TMEM131: variants seen among roughly 807,000 people sequenced by gnomAD.
The protein encoded by TMEM131 is transmembrane protein 131, also known as 2610524E03Rik.
In TMEM131, 66 loss-of-function variants were observed where a neutral mutation model predicts 211.6. That is an observed-to-expected ratio of 0.31 (90% CI 0.26 to 0.38). TMEM131 has a LOEUF of 0.38. Among genes scored for constraint, TMEM131 ranks in the 10% least tolerant of loss-of-function variants. The pLI is 1.00. For synonymous variants in TMEM131, 844 were observed against 841.3 expected (o/e 1.00, Z -0.06); for missense variants, 2,036 against 2,299.3 (o/e 0.89, Z 2.34).
chr2:97,882,998 C>T (rs763659801), intron 4 of TMEM131, among the ~76,000 whole-genome samples: 5 of 152,108 alleles, frequency 3.3e-5, no homozygotes, highest in Admixed American at 6.5e-5. Flanking sequence ...ATCGGGGTGT[C>T]GGCATGGTTG....
intron 1 of TMEM131, among the ~76,000 whole-genome samples, chr2:97,993,249 C>T (rs1466623223): frequency 6.6e-6 from 1 of 152,212 alleles, no homozygotes; most frequent in Non-Finnish European, 1.5e-5. Context: ...GTTTATGCTA[C>T]TTCAATAGAC....
chr2:97,953,079 T>A (rs1016450736), intron 1 of TMEM131, among the ~76,000 whole-genome samples: 2 of 152,166 alleles, frequency 1.3e-5, no homozygotes, highest in Non-Finnish European at 2.9e-5. Flanking sequence ...AAAGGCAGCT[T>A]GGAATTTCAT....
intron 1 of TMEM131, among the ~76,000 whole-genome samples, chr2:97,941,407 G>A (rs1346262086): frequency 1.3e-5 from 2 of 152,202 alleles, no homozygotes; most frequent in African/African-American, 4.8e-5. Flanking sequence ...TCAGGACATA[G>A]GCATGGGCAA....
chr2:97,919,248 T>A (rs575347986), intron 2 of TMEM131, among the ~76,000 whole-genome samples: 6 of 152,350 alleles, frequency 3.9e-5, no homozygotes, highest in African/African-American at 1.4e-4. Context: ...ACATTTTTAA[T>A]GTTCTTTATT....
At chr2:97,987,523 C>G (rs1680080150) in intron 1 of TMEM131, among the ~76,000 whole-genome samples, 1 of 151,544 alleles carries the variant, frequency 6.6e-6, no homozygotes. Flanking sequence ...AAAACAAAAA[C>G]AAAAAAAAGT....
intron 11 of TMEM131, among the ~76,000 whole-genome samples, chr2:97,830,118 C>T (rs114293516): frequency 0.032 from 3,764 of 118,088 alleles, 58 homozygotes; most frequent in Middle Eastern, 0.092. Context: ...CTGAATTCTT[C>T]ACTCATTATC....
chr2:97,972,949 T>C (rs915990293), intron 1 of TMEM131, among the ~76,000 whole-genome samples: 1 of 151,950 alleles, frequency 6.6e-6, no homozygotes, highest in Non-Finnish European at 1.5e-5. Flanking sequence ...AAACACATAT[T>C]AAAAAAAATC....
At chr2:97,896,970 G>C (rs114151324) in intron 3 of TMEM131, among the ~76,000 whole-genome samples, 2,757 of 150,724 alleles carry the variant, frequency 0.018, 24 homozygotes, top group Middle Eastern at 0.065. Context: ...CATGAACGCG[G>C]AATCTTTCTC....
chr2:97,878,113 TG>T (rs1674773207), intron 4 of TMEM131, among the ~76,000 whole-genome samples: 1 of 152,214 alleles, frequency 6.6e-6, no homozygotes, highest in Non-Finnish European at 1.5e-5. Flanking sequence ...TCATCATCAC[TG>T]GTCATTAGAG....
chr2:97,762,348 A>C lies in TMEM131; in HGVS notation c.4724-148T>G, dbSNP rs1006734033. The stretch of plus-strand genomic sequence containing the variant: ...AGCTCTTAGATGTGTTCTGTTTAAC[A>C]GGTTTTAAAGAGAAAGCAGCCACAT... On this transcript the variant is annotated intron_variant, in intron 35 of 40. Coordinates refer to ENST00000186436, the MANE Select transcript of TMEM131 (RefSeq NM_015348.2). 5.2e-6 allele frequency: 4 copies of C among 770,864 alleles called. No homozygotes were observed. The African/African-American group carries it at 7.2e-5, about 14-fold the overall frequency. The allele number at this position is 770,864 out of a possible 1,614,324, so 47.8% of individuals were successfully genotyped here.
At chr2:97,928,029 C>T (rs1482230522) in intron 1 of TMEM131, among the ~76,000 whole-genome samples, 1 of 152,124 alleles carries the variant, frequency 6.6e-6, no homozygotes. Context: ...TAAAAGCTAA[C>T]ATAGTTATAC....
chr2:97,975,811 G>GAAAA (rs11355341), intron 1 of TMEM131, among the ~76,000 whole-genome samples: 15 of 132,280 alleles, frequency 1.1e-4, no homozygotes, highest in Admixed American at 3.9e-4. Context: ...GGTATTACAA[G>GAAAA]AAAAAAAAAA....
intron 31 of TMEM131, among the ~76,000 whole-genome samples, chr2:97,788,894 T>C (rs1206134461): frequency 6.6e-6 from 1 of 152,226 alleles, no homozygotes; most frequent in Non-Finnish European, 1.5e-5. Context: ...TCATTTTTCA[T>C]AAAAAATATT....
intron 1 of TMEM131, among the ~76,000 whole-genome samples, chr2:97,943,099 A>AAGAAAGAAAGAAAGAG (rs1677874553): frequency 2.7e-5 from 4 of 148,638 alleles, no homozygotes; most frequent in Admixed American, 6.8e-5. Context: ...GAAAGAAAGA[A>AAGAAAGAAAGAAAGAG]AGAGCTGGGT....
rs1377568614 is a variant in TMEM131 at position 97,812,722 on chromosome 2, C to G, written c.1645G>C (p.Glu549Gln). 2.5e-6 allele frequency: 4 copies of G among 1,589,048 alleles called. No homozygotes were observed. In the East Asian group the frequency reaches 9.0e-5, roughly 36 times the overall value. Residue 549 changes from glutamate (E) to glutamine (Q), a missense_variant, in exon 16 of 41, where the codon GAA (glutamate) becomes CAA (glutamine). Physicochemically the swap from Glu to Gln is conservative, Grantham distance 29. Transcript: ENST00000186436. ...AGTACTCCAAAATCTATGAAACGTT[C>G]CTCTATTTTGGGGGGCAATACAAAG... is the stretch of plus-strand genomic sequence containing the variant. ...DYFVLPPKIEERFIDFGVLSA... is the reference protein window; with the variant it reads ...DYFVLPPKIEQRFIDFGVLSA...
At chr2:97,871,978 T>G in intron 4 of TMEM131, among the ~76,000 whole-genome samples, 1 of 143,840 alleles carries the variant, frequency 7.0e-6, no homozygotes, top group African/African-American at 2.6e-5. Flanking sequence ...GCCAGTGGTG[T>G]CTAGATTGCC....
intron 2 of TMEM131, among the ~76,000 whole-genome samples, chr2:97,923,379 T>C (rs985252821): frequency 3.3e-5 from 5 of 152,114 alleles, no homozygotes; most frequent in Non-Finnish European, 7.4e-5. Context: ...TCCTAGCATT[T>C]TGGGAGGCTG....
intron 17 of TMEM131, among the ~76,000 whole-genome samples, 177 bp from the exon 18 acceptor site, chr2:97,811,409 T>C (rs190085959): frequency 1.3e-5 from 2 of 152,328 alleles, no homozygotes; most frequent in Admixed American, 1.3e-4. Context: ...TCCCTTGATA[T>C]TTCTCTACTA....
At chr2:97,779,218 G>A (rs1192793320) in intron 31 of TMEM131, among the ~76,000 whole-genome samples, 1 of 152,208 alleles carries the variant, frequency 6.6e-6, no homozygotes. Flanking sequence ...CTACTTCAGG[G>A]CCATGTATGA....
Sources: allele counts gnomAD v4.1 joint callset (sites outside exome capture counted in the v4.1 genomes callset), GRCh38; gene constraint gnomAD v4.1.1; transcripts MANE v1.5; gene names NCBI Gene and HGNC (gene_info 2026-07-23, HGNC 2026-07-21).